MYO9A: variants seen among roughly 807,000 people sequenced by gnomAD.
MYO9A encodes the protein unconventional myosin-IXa.
Under a neutral mutation model 293.3 loss-of-function variants are expected in MYO9A, and 103 were observed. The observed-to-expected ratio is 0.35, with a 90% CI of 0.30 to 0.41. MYO9A has a LOEUF of 0.41. Ranked by LOEUF, MYO9A falls within the 10% of genes least tolerant of loss-of-function variation. MYO9A has a pLI of 1.00. For synonymous variants in MYO9A, 1,001 were observed against 1,035.7 expected, an observed-to-expected ratio of 0.97 and a Z score of 0.64; for missense variants, 2,685 against 3,033.0, an observed-to-expected ratio of 0.89 and a Z score of 2.69.
At chr15:72,012,928 C>G (rs1342942652) in intron 6 of MYO9A, among the ~76,000 whole-genome samples, 1 of 152,028 alleles carries the variant, frequency 6.6e-6, no homozygotes, top group East Asian at 1.9e-4. Context: ...TTCTTAGAAA[C>G]CCAAAGTGGT....
At chr15:71,847,850 G>C (rs2141215989) in intron 39 of MYO9A, among the ~76,000 whole-genome samples, 1 of 152,252 alleles carries the variant, frequency 6.6e-6, no homozygotes, top group South Asian at 2.1e-4. Context: ...TTTTACAGAA[G>C]ACCCTTCACT....
At chr15:71,980,160 T>C (rs1373227317) in intron 11 of MYO9A, among the ~76,000 whole-genome samples, 1 of 152,218 alleles carries the variant, frequency 6.6e-6, no homozygotes, top group African/African-American at 2.4e-5. Flanking sequence ...TGATAGACAC[T>C]GCTCTTAATT....
At chr15:72,101,214 C>A (rs1235514635) in intron 1 of MYO9A, among the ~76,000 whole-genome samples, 359 of 92,782 alleles carry the variant, frequency 3.9e-3, no homozygotes, top group Middle Eastern at 8.6e-3. Context: ...CCCCTCTGCC[C>A]GGCCAGCCGC....
At chr15:72,025,883 C>A (rs1375662951) in intron 4 of MYO9A, among the ~76,000 whole-genome samples, 1 of 152,122 alleles carries the variant, frequency 6.6e-6, no homozygotes, top group Non-Finnish European at 1.5e-5. Context: ...ATGGAGTATC[C>A]TCCAGGGTAG....
chr15:72,001,703 T>C lies in MYO9A; in HGVS notation c.1381-1763A>G, dbSNP rs1355264053. Among the ~76,000 whole-genome samples the C allele has an allele frequency of 2.0e-5, 3 of 152,162 alleles. No homozygotes were observed. The East Asian group carries it at 5.8e-4, about 29-fold the overall frequency. On this transcript the variant is annotated intron_variant, in intron 8 of 41. Transcript: ENST00000356056. ...CCATACTGAATGGATAAATATTATC[T>C]AGCAAATATAACACCTTTCAGAGCA...
chr15:72,111,922 A>G (rs1156457261), intron 1 of MYO9A, among the ~76,000 whole-genome samples: 4 of 152,042 alleles, frequency 2.6e-5, no homozygotes, highest in African/African-American at 4.8e-5. Context: ...ATTATCCCCA[A>G]TTGAGAGATG....
chr15:71,900,013 G>C lies in MYO9A; in HGVS notation c.3151-7C>G, dbSNP rs371419252. 6.3e-7 allele frequency: 1 copy of C among 1,592,038 alleles called. No homozygotes were observed. Among genetic ancestry groups the C allele is most frequent in the Non-Finnish European group, 8.6e-7 (1 of 1,166,166 alleles). On this transcript the variant is annotated splice_region_variant and splice_polypyrimidine_tract_variant and intron_variant, in intron 23 of 41. Coordinates refer to ENST00000356056, the MANE Select transcript of MYO9A (RefSeq NM_006901.4). ...GGTAATTCCTCCAGAATCTCTATGG[G>C]GAAGACAAAATAACAGAAACTGGTT...
intron 34 of MYO9A, among the ~76,000 whole-genome samples, chr15:71,859,421 G>A (rs562549852): frequency 6.6e-6 from 1 of 152,276 alleles, no homozygotes; most frequent in East Asian, 1.9e-4. Flanking sequence ...ATAATTCCTA[G>A]AAGATTTATG....
chr15:72,042,832 C>G lies in MYO9A; in HGVS notation c.840+2892G>C, dbSNP rs577004876. Among the ~76,000 whole-genome samples, 7 of 152,098 alleles carry G rather than the reference C, an allele frequency of 4.6e-5. No individual in the cohort carries two copies. The East Asian group carries it at 1.4e-3, about 29-fold the overall frequency. On this transcript the variant is annotated intron_variant, in intron 2 of 41. Coordinates refer to ENST00000356056, the MANE Select transcript of MYO9A (RefSeq NM_006901.4). ...ATCCCAGCACTTTAGGAGGCCAAGA[C>G]AGGAGAATCACTTGAGCTCAGGAGT...
chr15:71,952,039 G>A, intron 14 of MYO9A, 143 bp from the exon 15 acceptor site: 1 of 820,508 alleles, frequency 1.2e-6, no homozygotes, highest in Non-Finnish European at 1.7e-6. Flanking sequence ...GAGGTTATAT[G>A]TGAATGTCCA....
intron 11 of MYO9A, among the ~76,000 whole-genome samples, chr15:71,981,223 A>G (rs772319805): frequency 6.6e-6 from 1 of 152,218 alleles, no homozygotes; most frequent in Non-Finnish European, 1.5e-5. Flanking sequence ...TGTGTTTATG[A>G]GTGAAACTGA....
chr15:72,024,673 T>C (rs1596404566), intron 4 of MYO9A, among the ~76,000 whole-genome samples: 1 of 152,288 alleles, frequency 6.6e-6, no homozygotes, highest in East Asian at 1.9e-4. Flanking sequence ...AAGAAGTAAT[T>C]TGCATAACAA....
chr15:72,072,161 T>G, intron 1 of MYO9A, among the ~76,000 whole-genome samples: 1 of 151,372 alleles, frequency 6.6e-6, no homozygotes, highest in Non-Finnish European at 1.5e-5. Context: ...AGACGGAGTC[T>G]TGCTCTGTCA....
intron 3 of MYO9A, 53 bp from the exon 4 acceptor site, chr15:72,027,846 A>G (rs2077720063): frequency 7.9e-7 from 1 of 1,268,984 alleles, no homozygotes; most frequent in African/African-American, 1.5e-5. Flanking sequence ...AATATAAGGC[A>G]GAAAAATATT....
At chr15:71,978,842 A>G (rs1159596293) in intron 11 of MYO9A, among the ~76,000 whole-genome samples, 1 of 151,688 alleles carries the variant, frequency 6.6e-6, no homozygotes, top group Non-Finnish European at 1.5e-5. Flanking sequence ...TCAGGTCTTG[A>G]GTAACTACTT....
intron 24 of MYO9A, 107 bp from the exon 25 acceptor site, chr15:71,899,139 A>G: frequency 9.7e-7 from 1 of 1,030,472 alleles, no homozygotes; most frequent in South Asian, 1.7e-5. Flanking sequence ...AAATCTTTTT[A>G]TAATACCTAA....
Position 72,059,992 on chromosome 15 carries a change from T to G in MYO9A, c.-71-13358A>C, listed in dbSNP as rs28446198. Among the ~76,000 whole-genome samples, 7 of 152,324 alleles carry G rather than the reference T, an allele frequency of 4.6e-5. No homozygotes were observed. In the South Asian group the frequency reaches 1.4e-3, roughly 32 times the overall value. ...AACCTACATGCTACAAGCCACCATA[T>G]GCACAGACTATACAGTGAGTTGAGT... On this transcript the variant is annotated intron_variant, in intron 1 of 41. Coordinates refer to ENST00000356056, the MANE Select transcript of MYO9A (RefSeq NM_006901.4).
chr15:71,861,679 T>TAAA (rs66598621), intron 33 of MYO9A, among the ~76,000 whole-genome samples: 1,493 of 82,524 alleles, frequency 0.018, 43 homozygotes, highest in African/African-American at 0.055. Context: ...ACTGATGATA[T>TAAA]AAAAAAAAAA....
intron 25 of MYO9A, among the ~76,000 whole-genome samples, chr15:71,895,929 T>C (rs1169190405): frequency 6.9e-6 from 1 of 145,500 alleles, no homozygotes; most frequent in Non-Finnish European, 1.5e-5. Context: ...ATAAATGTCA[T>C]AATTAATAGA....
Sources: gnomAD v4.1 joint callset for allele counts (sites outside exome capture counted in the v4.1 genomes callset) on GRCh38, gnomAD v4.1.1 for gene constraint, MANE v1.5 for transcripts, NCBI Gene and HGNC (gene_info 2026-07-23, HGNC 2026-07-21) for gene names.